DLGAP1: variants seen among roughly 807,000 people sequenced by gnomAD.
The protein encoded by DLGAP1 is DLG associated protein 1.
DLGAP1 carries 11 observed loss-of-function variants against 90.8 expected under a neutral mutation model. The ratio of observed to expected loss-of-function variants is 0.12; its 90% confidence interval spans 0.08 to 0.20. The LOEUF (loss-of-function observed/expected upper bound fraction) is 0.20. Ranked by LOEUF, DLGAP1 falls within the 10% of genes least tolerant of loss-of-function variation. The probability of loss-of-function intolerance (pLI) is 1.00; values close to 1 mark genes in which losing one functional copy is unlikely to be tolerated. For missense variants in DLGAP1, 1,050 were observed against 1,333.8 expected, an observed-to-expected ratio of 0.79 and a Z score of 3.31; for synonymous variants, 558 against 540.7, an observed-to-expected ratio of 1.03 and a Z score of -0.44.
intron 3 of DLGAP1, among the ~76,000 whole-genome samples, chr18:3,955,828 C>G (rs939078288): frequency 6.6e-6 from 1 of 151,878 alleles, no homozygotes; most frequent in Non-Finnish European, 1.5e-5. Flanking sequence ...AACATTAATG[C>G]TAGATTAGAC....
At chr18:4,453,544 C>CT (rs34185448) in intron 1 of DLGAP1, among the ~76,000 whole-genome samples, 1 of 152,074 alleles carries the variant, frequency 6.6e-6, no homozygotes, top group Non-Finnish European at 1.5e-5. Flanking sequence ...AAGGGCTGTT[C>CT]TTTTTAGAAC....
At chr18:3,707,609 A>AC (rs71368705) in intron 7 of DLGAP1, among the ~76,000 whole-genome samples, 1 of 148,902 alleles carries the variant, frequency 6.7e-6, no homozygotes, top group African/African-American at 2.5e-5. Context: ...ATCTCAAAGA[A>AC]AAAAAAAAAA....
chr18:3,535,070 CTCTGTG>C (rs1346252531), intron 9 of DLGAP1, among the ~76,000 whole-genome samples: 3 of 122,810 alleles, frequency 2.4e-5, no homozygotes, highest in South Asian at 5.3e-4. Context: ...TCTCAATCTT[CTCTGTG>C]TGTGTGTGTG....
intron 7 of DLGAP1, among the ~76,000 whole-genome samples, chr18:3,703,485 G>A (rs2061342625): frequency 6.6e-6 from 1 of 152,220 alleles, no homozygotes; most frequent in African/African-American, 2.4e-5. Context: ...ACTGCTTCAA[G>A]CACGAAAGTG....
intron 1 of DLGAP1, among the ~76,000 whole-genome samples, chr18:4,230,087 T>C (rs780374409): frequency 1.3e-5 from 2 of 152,100 alleles, no homozygotes; most frequent in Non-Finnish European, 2.9e-5. Flanking sequence ...TACAATGCTA[T>C]AGCACCCCAG....
chr18:3,522,560 T>TTTA (rs2051279625), intron 10 of DLGAP1, among the ~76,000 whole-genome samples: 1 of 148,154 alleles, frequency 6.7e-6, no homozygotes, highest in Non-Finnish European at 1.5e-5. Flanking sequence ...TTTTTTTTTT[T>TTTA]TTTTGGAGAC....
chr18:4,367,911 C>G (rs780554000), intron 1 of DLGAP1, among the ~76,000 whole-genome samples: 1 of 151,834 alleles, frequency 6.6e-6, no homozygotes, highest in East Asian at 1.9e-4. Context: ...TAGTTGGCCA[C>G]GTATTTTCTC....
At chr18:3,685,291 G>A (rs1330989976) in intron 7 of DLGAP1, among the ~76,000 whole-genome samples, 8 of 152,140 alleles carry the variant, frequency 5.3e-5, no homozygotes, top group Non-Finnish European at 1.0e-4. Flanking sequence ...GCCTGGTGTG[G>A]TGGCTCATGC....
At chr18:4,153,834 T>A (rs1390859914) in intron 1 of DLGAP1, among the ~76,000 whole-genome samples, 2 of 152,094 alleles carry the variant, frequency 1.3e-5, no homozygotes, top group East Asian at 3.9e-4. Context: ...GTCAAAGGGG[T>A]CCTCGTTCCT....
chr18:3,634,212 A>C (rs1050046146), intron 7 of DLGAP1, among the ~76,000 whole-genome samples: 14 of 151,744 alleles, frequency 9.2e-5, no homozygotes, highest in Admixed American at 1.3e-4. Flanking sequence ...TTATCTTTGA[A>C]CATCCCCCCC....
chr18:4,383,288 A>G lies in DLGAP1; in HGVS notation c.-267+71718T>C, dbSNP rs1053892124. On this transcript the variant is annotated intron_variant, in intron 1 of 12. Coordinates refer to ENST00000315677, the MANE Select transcript of DLGAP1 (RefSeq NM_004746.4). The surrounding 1 kb of genome is among the most constrained non-coding windows in gnomAD (Gnocchi z 4.0). The stretch of plus-strand genomic sequence containing the variant: ...GAACTTTAACTTTTAAAATTCAACT[A>G]CTGTGCAAGCATATTTATTAATGAG... 6.6e-6 allele frequency among the ~76,000 whole-genome samples: 1 copy of G among 152,186 alleles called. No homozygotes were observed. Among genetic ancestry groups the G allele is most frequent in the Non-Finnish European group, 1.5e-5 (1 of 68,022 alleles).
intron 2 of DLGAP1, among the ~76,000 whole-genome samples, chr18:4,063,650 G>C (rs1409353428): frequency 6.6e-6 from 1 of 151,996 alleles, no homozygotes; most frequent in Admixed American, 6.6e-5. Flanking sequence ...ATAAAAATCT[G>C]AAAAGAAACA....
intron 1 of DLGAP1, among the ~76,000 whole-genome samples, chr18:4,367,392 T>C (rs765800792): frequency 2.8e-4 from 42 of 152,032 alleles, no homozygotes; most frequent in Admixed American, 1.1e-3. Flanking sequence ...CCTGAGTTGC[T>C]TTCACTCCAT....
At chr18:4,314,094 A>C (rs549493193) in intron 1 of DLGAP1, among the ~76,000 whole-genome samples, 1 of 152,342 alleles carries the variant, frequency 6.6e-6, no homozygotes, top group Admixed American at 6.5e-5. Flanking sequence ...CCCCTTCCTC[A>C]TGCAGATGTA....
At chr18:3,872,489 T>A (rs1402992453) in intron 4 of DLGAP1, among the ~76,000 whole-genome samples, 1 of 152,128 alleles carries the variant, frequency 6.6e-6, no homozygotes, top group East Asian at 1.9e-4. Context: ...AATATGAATT[T>A]ACCAAAATAA....
At chr18:3,700,729 C>A (rs980166915) in intron 7 of DLGAP1, among the ~76,000 whole-genome samples, 7 of 152,132 alleles carry the variant, frequency 4.6e-5, no homozygotes, top group Non-Finnish European at 1.0e-4. Flanking sequence ...CCTGCCTCAG[C>A]CTCCCGAGTA....
At chr18:4,423,708 A>C (rs981800983) in intron 1 of DLGAP1, among the ~76,000 whole-genome samples, 15 of 152,076 alleles carry the variant, frequency 9.9e-5, no homozygotes, top group Non-Finnish European at 1.9e-4. Context: ...TTATGAGAGA[A>C]CTGTTTCAAT....
chr18:3,948,404 G>T (rs1276815937), intron 3 of DLGAP1, among the ~76,000 whole-genome samples: 1 of 152,078 alleles, frequency 6.6e-6, no homozygotes, highest in Non-Finnish European at 1.5e-5. Context: ...TGGCAGGTTT[G>T]TCACCTGCTG....
In DLGAP1 at chr18:3,565,089, T is replaced by G. The variant is rs1456850308; in HGVS notation, c.2057+2401A>C. Among the ~76,000 whole-genome samples the G allele has an allele frequency of 1.3e-5, 2 of 152,200 alleles. No homozygotes were observed. Among genetic ancestry groups the G allele is most frequent in the Admixed American group, 6.5e-5 (1 of 15,270 alleles). On this transcript the variant is annotated intron_variant, in intron 9 of 12. Transcript: ENST00000315677. This position sits in a 1 kb window ranked among gnomAD's most constrained non-coding sequence, Gnocchi z 4.0. ...GGTGTTCTGGCTCAAGAGTCTGTGC[T>G]GTCAACCACTACATCGTTGAGAAAA... is the stretch of plus-strand genomic sequence containing the variant.
Sources: gnomAD v4.1 joint callset for allele counts (sites outside exome capture counted in the v4.1 genomes callset) on GRCh38, gnomAD v4.1.1 for gene constraint, Gnocchi (gnomAD v3.1) non-coding constraint, MANE v1.5 for transcripts, NCBI Gene and HGNC (gene_info 2026-07-23, HGNC 2026-07-21) for gene names.